TIAM1: variants seen among roughly 807,000 people sequenced by gnomAD.
TIAM1 encodes TIAM Rac1 associated GEF 1.
TIAM1 carries 65 observed loss-of-function variants against 163.5 expected under a neutral mutation model. The observed-to-expected ratio is 0.40, with a 90% CI of 0.33 to 0.49. The LOEUF (loss-of-function observed/expected upper bound fraction) is 0.49. Among genes scored for constraint, TIAM1 ranks in the 20% least tolerant of loss-of-function variants. The pLI is 0.77. For synonymous variants in TIAM1, 833 were observed against 810.1 expected (o/e 1.03, Z -0.48); for missense variants, 1,789 against 2,044.7 (o/e 0.87, Z 2.41).
intron 13 of TIAM1, among the ~76,000 whole-genome samples, chr21:31,188,746 T>A (rs929879974): frequency 6.6e-6 from 1 of 151,910 alleles, no homozygotes; most frequent in Admixed American, 6.6e-5. Context: ...ACTGATTTTT[T>A]AATTTTTTTT....
chr21:31,343,637 G>A (rs1247067283), intron 1 of TIAM1, among the ~76,000 whole-genome samples: 1 of 152,104 alleles, frequency 6.6e-6, no homozygotes, highest in Non-Finnish European at 1.5e-5. Context: ...GGGAGCCACA[G>A]CTTCTGAATA....
chr21:31,515,747 G>A (rs1442566695), intron 1 of TIAM1, among the ~76,000 whole-genome samples: 1 of 152,130 alleles, frequency 6.6e-6, no homozygotes, highest in Non-Finnish European at 1.5e-5. Context: ...AATTTCCATG[G>A]AGCAAGTGAT....
At chr21:31,441,988 G>A (rs1426530958) in intron 2 of TIAM1, among the ~76,000 whole-genome samples, 1 of 144,054 alleles carries the variant, frequency 6.9e-6, no homozygotes, top group Non-Finnish European at 1.5e-5. Flanking sequence ...CTCAAGAGGT[G>A]GGAATTATAG....
intron 1 of TIAM1, among the ~76,000 whole-genome samples, chr21:31,465,575 CTT>C (rs71193124): frequency 2.7e-5 from 4 of 145,658 alleles, no homozygotes; most frequent in Non-Finnish European, 3.0e-5. Flanking sequence ...TAGTGATCTT[CTT>C]TTTTTTTTTT....
intron 3 of TIAM1, among the ~76,000 whole-genome samples, chr21:31,276,493 A>G (rs1343853695): frequency 6.6e-6 from 1 of 152,190 alleles, no homozygotes; most frequent in African/African-American, 2.4e-5. Context: ...TCCTGAGGGC[A>G]ATTCACAGCG....
intron 1 of TIAM1, among the ~76,000 whole-genome samples, chr21:31,525,820 A>G (rs898067322): frequency 1.4e-4 from 21 of 152,046 alleles, no homozygotes; most frequent in Non-Finnish European, 2.2e-4. Context: ...GATCATTTGA[A>G]GTCAGGAGTT....
At chr21:31,191,976 T>G (rs754654853) in intron 13 of TIAM1, among the ~76,000 whole-genome samples, 3 of 152,208 alleles carry the variant, frequency 2.0e-5, no homozygotes, top group Non-Finnish European at 4.4e-5. Flanking sequence ...ATAATCATTA[T>G]GGAGCATCTA....
intron 2 of TIAM1, among the ~76,000 whole-genome samples, chr21:31,297,055 A>G (rs901979278): frequency 1.3e-5 from 2 of 152,194 alleles, no homozygotes; most frequent in African/African-American, 4.8e-5. Context: ...GCTGTTCTAG[A>G]GGAACGTTCT....
At chr21:31,131,496 A>G (rs1204411761) in intron 23 of TIAM1, among the ~76,000 whole-genome samples, 2 of 152,222 alleles carry the variant, frequency 1.3e-5, no homozygotes, top group Non-Finnish European at 2.9e-5. Flanking sequence ...GCTCTCTAGG[A>G]GTGGTAAACA....
intron 13 of TIAM1, among the ~76,000 whole-genome samples, chr21:31,190,965 TTAATATTAGA>T (rs2085531349): frequency 6.6e-6 from 1 of 152,162 alleles, no homozygotes; most frequent in African/African-American, 2.4e-5. Context: ...TAGCTAGGTG[TTAATATTAGA>T]TACAGATGGG....
At chr21:31,130,132 C>G in intron 25 of TIAM1, 81 bp downstream of exon 25, 2 of 1,166,334 alleles carry the variant, frequency 1.7e-6, no homozygotes, top group Admixed American at 2.0e-5. Flanking sequence ...AGAGTTAGAC[C>G]AAGAGTGTGG....
At chr21:31,474,019 G>A (rs2045849293) in intron 1 of TIAM1, among the ~76,000 whole-genome samples, 1 of 152,186 alleles carries the variant, frequency 6.6e-6, no homozygotes. Context: ...ACTCATGGCA[G>A]AGGCAAAGGG....
chr21:31,232,199 G>A (rs1175763260), intron 6 of TIAM1, among the ~76,000 whole-genome samples: 1 of 152,092 alleles, frequency 6.6e-6, no homozygotes, highest in Admixed American at 6.5e-5. Context: ...ACCTAGAGAA[G>A]CATATATAGA....
At chr21:31,290,560 T>C (rs908368781) in intron 2 of TIAM1, among the ~76,000 whole-genome samples, 2 of 143,790 alleles carry the variant, frequency 1.4e-5, no homozygotes, top group Non-Finnish European at 3.0e-5. Context: ...GGCAGGAGAA[T>C]CGCTTGAACC....
At chr21:31,557,083 T>C (rs1208120277) in intron 1 of TIAM1, among the ~76,000 whole-genome samples, 1 of 152,228 alleles carries the variant, frequency 6.6e-6, no homozygotes. Context: ...GGGTTTTTCC[T>C]TCTCCAAACC....
At chr21:31,307,534 G>T (rs1288603473) in intron 2 of TIAM1, among the ~76,000 whole-genome samples, 1 of 152,148 alleles carries the variant, frequency 6.6e-6, no homozygotes, top group Non-Finnish European at 1.5e-5. Context: ...TCTAGTCCCG[G>T]ATCTACCCCG....
intron 2 of TIAM1, among the ~76,000 whole-genome samples, chr21:31,409,393 C>A (rs892891357): frequency 6.6e-6 from 1 of 152,190 alleles, no homozygotes; most frequent in African/African-American, 2.4e-5. Flanking sequence ...CAGGCGTGAG[C>A]CACCACACCC....
chr21:31,505,947 T>A (rs2047009709), intron 1 of TIAM1, among the ~76,000 whole-genome samples: 1 of 145,800 alleles, frequency 6.9e-6, no homozygotes, highest in Non-Finnish European at 1.5e-5. Context: ...AGGCGGAGGT[T>A]GCACTGAGCC....
At chr21:31,541,403 G>C (rs2048319629) in intron 1 of TIAM1, among the ~76,000 whole-genome samples, 1 of 152,072 alleles carries the variant, frequency 6.6e-6, no homozygotes, top group African/African-American at 2.4e-5. Context: ...GCTGCACTGA[G>C]CCAAGATCAT....
Sources: allele counts gnomAD v4.1 joint callset (sites outside exome capture counted in the v4.1 genomes callset), GRCh38; gene constraint gnomAD v4.1.1; transcripts MANE v1.5; gene names NCBI Gene and HGNC (gene_info 2026-07-23, HGNC 2026-07-21).